Variants in FHIT observed in about 807,000 individuals in gnomAD.
FHIT encodes fragile histidine triad diadenosine triphosphatase.
FHIT carries 19 observed loss-of-function variants against 17.9 expected under a neutral mutation model. The ratio of observed to expected loss-of-function variants is 1.06; its 90% CI spans 0.74 to 1.56. FHIT has a LOEUF of 1.56. Among genes scored for constraint, FHIT ranks in the 40% most tolerant of loss-of-function variants. The pLI is 0.00. For missense variants in FHIT, 248 were observed against 189.2 expected, an observed-to-expected ratio of 1.31 and a Z score of -1.82; for synonymous variants, 81 against 69.7, an observed-to-expected ratio of 1.16 and a Z score of -0.81.
At chr3:60,524,581 C>T (rs2035503392) in intron 5 of FHIT, among the ~76,000 whole-genome samples, 1 of 152,124 alleles carries the variant, frequency 6.6e-6, no homozygotes. Flanking sequence ...AAATTGGTGG[C>T]TGAAAACAAT....
chr3:59,966,885 A>C (rs1707951533), intron 7 of FHIT, among the ~76,000 whole-genome samples: 1 of 152,170 alleles, frequency 6.6e-6, no homozygotes, highest in Non-Finnish European at 1.5e-5. Context: ...TAATCAGCTT[A>C]CTGGAACTTT....
intron 8 of FHIT, among the ~76,000 whole-genome samples, chr3:59,813,795 T>A (rs146735670): frequency 3.2e-4 from 48 of 152,284 alleles, no homozygotes; most frequent in African/African-American, 1.2e-3. Flanking sequence ...GGGTTGGGCA[T>A]ACACGTGACT....
intron 5 of FHIT, among the ~76,000 whole-genome samples, chr3:60,247,796 T>G (rs577164310): frequency 3.3e-5 from 5 of 152,144 alleles, no homozygotes; most frequent in Admixed American, 6.6e-5. Context: ...GAAATTCACA[T>G]ATCTACTTCA....
intron 8 of FHIT, among the ~76,000 whole-genome samples, chr3:59,859,391 A>G (rs913998653): frequency 6.6e-6 from 1 of 152,230 alleles, no homozygotes; most frequent in Non-Finnish European, 1.5e-5. Flanking sequence ...TATACTCTTT[A>G]AGGCAGGAAA....
At chr3:60,644,106 A>G (rs721779) in intron 4 of FHIT, among the ~76,000 whole-genome samples, 39,144 of 152,040 alleles carry the variant, frequency 0.26, 6,122 homozygotes, top group East Asian at 0.76. Context: ...CCGTCATTTC[A>G]AATACTTCCT....
intron 7 of FHIT, among the ~76,000 whole-genome samples, chr3:59,987,218 ATT>A (rs1709023519): frequency 1.3e-5 from 2 of 149,478 alleles, no homozygotes; most frequent in Admixed American, 1.3e-4. Flanking sequence ...TTATTTATTT[ATT>A]TAGGACTGCT....
chr3:60,513,306 T>A (rs1477236788), intron 5 of FHIT, among the ~76,000 whole-genome samples: 1 of 152,324 alleles, frequency 6.6e-6, no homozygotes, highest in African/African-American at 2.4e-5. Flanking sequence ...TTTACTTTTA[T>A]TCTGAATCTT....
At chr3:60,586,804 G>T (rs1481611365) in intron 4 of FHIT, among the ~76,000 whole-genome samples, 1 of 151,934 alleles carries the variant, frequency 6.6e-6, no homozygotes, top group Non-Finnish European at 1.5e-5. Context: ...AAAACTCATG[G>T]ATACAAAGAG....
rs145436261 is a variant in FHIT, at chr3:60,136,255, T to C, written c.104-122103A>G. On this transcript the variant is annotated intron_variant, in intron 5 of 9. Coordinates refer to ENST00000492590, the MANE Select transcript of FHIT (RefSeq NM_002012.4). ...CATCTGGAGAGCTCAATGTCAAGGT[T>C]ACTTCCCAGCTGCCATTCCTTGTGT... Among the ~76,000 whole-genome samples, 380 of 152,294 alleles carry C rather than the reference T, an allele frequency of 2.5e-3. 7 individuals are homozygous for C. The highest frequency in any genetic ancestry group is 2.5e-3 in the Non-Finnish European group (169 of 68,020).
intron 5 of FHIT, among the ~76,000 whole-genome samples, chr3:60,445,949 C>T (rs1024566687): frequency 6.6e-6 from 1 of 152,136 alleles, no homozygotes; most frequent in Admixed American, 6.6e-5. Context: ...ATATTCCTAT[C>T]TTTTGTGTGC....
chr3:60,719,950 T>G (rs527364956), intron 4 of FHIT, among the ~76,000 whole-genome samples: 1 of 152,316 alleles, frequency 6.6e-6, no homozygotes, highest in African/African-American at 2.4e-5. Flanking sequence ...TGCTTCCTTC[T>G]ATTCTGTTTC....
At chr3:60,973,449 C>T (rs987286159) in intron 3 of FHIT, among the ~76,000 whole-genome samples, 2 of 152,026 alleles carry the variant, frequency 1.3e-5, no homozygotes, top group African/African-American at 4.8e-5. Context: ...TACAAAAAGG[C>T]CTCAAGGGAA....
chr3:60,745,543 A>T (rs1427545206), intron 4 of FHIT, among the ~76,000 whole-genome samples: 1 of 152,136 alleles, frequency 6.6e-6, no homozygotes, highest in East Asian at 1.9e-4. Flanking sequence ...TTACGCTTTG[A>T]AAAAATATAG....
intron 3 of FHIT, among the ~76,000 whole-genome samples, chr3:60,841,141 C>T (rs1702714111): frequency 6.6e-6 from 1 of 152,136 alleles, no homozygotes; most frequent in African/African-American, 2.4e-5. Flanking sequence ...GATTCTCTTA[C>T]CAATCCAACA....
intron 3 of FHIT, among the ~76,000 whole-genome samples, chr3:60,838,991 T>C (rs1702626297): frequency 1.3e-5 from 2 of 151,976 alleles, no homozygotes; most frequent in Admixed American, 1.3e-4. Flanking sequence ...GCGGAAAAGA[T>C]GGTACATTTG....
At chr3:60,378,152 G>A (rs373968768) in intron 5 of FHIT, among the ~76,000 whole-genome samples, 137 of 151,754 alleles carry the variant, frequency 9.0e-4, no homozygotes, top group African/African-American at 3.3e-3. Flanking sequence ...TCAGCCTCCC[G>A]AGTAGCTGGG....
rs2056834 is a variant in FHIT at position 60,671,412 on chromosome 3, G to A, written c.-17-134433C>T. ...TACAGAGTAGAGTTTCAAAATCACT[G>A]CAGCTGATGAATTGACAAATAGAAA... On this transcript the variant is annotated intron_variant, in intron 4 of 9. Transcript: ENST00000492590. 8.1e-3 allele frequency among the ~76,000 whole-genome samples: 1,239 copies of A among 152,074 alleles called. 11 individuals are homozygous for A. The highest frequency in any genetic ancestry group is 0.017 in the Middle Eastern group (5 of 294).
intron 3 of FHIT, among the ~76,000 whole-genome samples, chr3:60,847,969 C>T (rs893096239): frequency 3.3e-5 from 5 of 152,108 alleles, no homozygotes; most frequent in African/African-American, 1.2e-4. Context: ...TGCAATGCAA[C>T]TCAGTCACTT....
intron 1 of FHIT, among the ~76,000 whole-genome samples, chr3:61,245,538 CTTTAA>C (rs1215402648): frequency 6.6e-6 from 1 of 152,164 alleles, no homozygotes; most frequent in Non-Finnish European, 1.5e-5. Flanking sequence ...CTTTCCAGGT[CTTTAA>C]TTTAATCAGA....
Sources: gnomAD v4.1 joint callset for allele counts (sites outside exome capture counted in the v4.1 genomes callset) on GRCh38, gnomAD v4.1.1 for gene constraint, MANE v1.5 for transcripts, NCBI Gene and HGNC (gene_info 2026-07-23, HGNC 2026-07-21) for gene names.